The following FGF10 variants were observed in gnomAD, a reference collection of about 807,000 sequenced individuals.
FGF10 encodes FGF-10.
FGF10 carries 2 observed loss-of-function variants against 19.8 expected under a neutral mutation model. The observed-to-expected ratio is 0.10, with a 90% CI of 0.04 to 0.32. FGF10 has a LOEUF of 0.32. FGF10 is among the 10% of genes least tolerant of loss of function. The probability of loss-of-function intolerance (pLI) is 1.00; values close to 1 mark genes in which losing one functional copy is unlikely to be tolerated. For synonymous variants in FGF10, 112 were observed against 94.0 expected (o/e 1.19, Z -1.10); for missense variants, 191 against 246.3 (o/e 0.78, Z 1.50).
At chr5:44,342,743 T>C (rs544915450) in intron 1 of FGF10, among the ~76,000 whole-genome samples, 1 of 152,068 alleles carries the variant, frequency 6.6e-6, no homozygotes, top group African/African-American at 2.4e-5. Flanking sequence ...AGTTGGAGAA[T>C]GTTGCCGTCT....
intron 1 of FGF10, among the ~76,000 whole-genome samples, chr5:44,341,355 C>T (rs1579917869): frequency 6.6e-6 from 1 of 151,496 alleles, no homozygotes; most frequent in Non-Finnish European, 1.5e-5. Flanking sequence ...AAAACTACAC[C>T]ACTCCGTTAT....
At chr5:44,311,172 T>G (rs1740200907) in intron 1 of FGF10, among the ~76,000 whole-genome samples, 1 of 151,926 alleles carries the variant, frequency 6.6e-6, no homozygotes, top group African/African-American at 2.4e-5. Flanking sequence ...CATGGATTTT[T>G]AAGGTTTTTT....
intron 1 of FGF10, among the ~76,000 whole-genome samples, chr5:44,350,594 G>C (rs1280264526): frequency 6.6e-6 from 1 of 150,594 alleles, no homozygotes; most frequent in African/African-American, 2.4e-5. Context: ...CAACACATAG[G>C]TGTGTGTATA....
Position 44,339,580 on chromosome 5 carries a change from A to G in FGF10, c.326-29050T>C, listed in dbSNP as rs576648205. ...AATGATAACCTTCTATCAACACTCTATTTGTGAAACAGTAACCTATGAGGC... is the reference window on the plus strand; with the variant it reads ...AATGATAACCTTCTATCAACACTCTGTTTGTGAAACAGTAACCTATGAGGC... On this transcript the variant is annotated intron_variant, in intron 1 of 2. Coordinates refer to ENST00000264664, the MANE Select transcript of FGF10 (RefSeq NM_004465.2). Among the ~76,000 whole-genome samples, 8 of 152,292 alleles carry G rather than the reference A, an allele frequency of 5.3e-5. No homozygotes were observed. The South Asian group carries it at 1.7e-3, about 32-fold the overall frequency.
chr5:44,375,047 A>T (rs878883322), intron 1 of FGF10, among the ~76,000 whole-genome samples: 1 of 152,212 alleles, frequency 6.6e-6, no homozygotes, highest in Admixed American at 6.5e-5. Flanking sequence ...GGTAGGTAGC[A>T]TATTAATCAC....
chr5:44,365,348 T>TGC (rs2111867318), intron 1 of FGF10, among the ~76,000 whole-genome samples: 1 of 60,036 alleles, frequency 1.7e-5, no homozygotes, highest in African/African-American at 5.1e-5. Context: ...TCAAATAATT[T>TGC]GCAAAAAAAA....
chr5:44,337,896 T>C (rs1326084315), intron 1 of FGF10, among the ~76,000 whole-genome samples: 1 of 152,070 alleles, frequency 6.6e-6, no homozygotes, highest in East Asian at 1.9e-4. Context: ...AGTTGAATTG[T>C]GCCACTGCAC....
At chr5:44,349,743 G>T (rs1239291144) in intron 1 of FGF10, among the ~76,000 whole-genome samples, 4 of 150,500 alleles carry the variant, frequency 2.7e-5, no homozygotes, top group African/African-American at 4.9e-5. Context: ...AATACTCTTA[G>T]ACCTAAACAG....
intron 1 of FGF10, among the ~76,000 whole-genome samples, chr5:44,387,821 A>C (rs1742137591): frequency 6.6e-6 from 1 of 152,144 alleles, no homozygotes; most frequent in Non-Finnish European, 1.5e-5. Flanking sequence ...GGGTAAAGGG[A>C]TGGGGGTGGG....
rs188761912 is a variant in FGF10, at chr5:44,334,223, T to A, written c.326-23693A>T. 1.4e-4 allele frequency among the ~76,000 whole-genome samples: 22 copies of A among 152,264 alleles called. No homozygotes were observed. The East Asian group carries it at 4.2e-3, about 29-fold the overall frequency. The stretch of plus-strand genomic sequence containing the variant: ...ATGAGGATATAGTGCCCTATCCTTA[T>A]GTCCACAACCTTAGGCCTTGTATCC... On this transcript the variant is annotated intron_variant, in intron 1 of 2. Coordinates refer to ENST00000264664, the MANE Select transcript of FGF10 (RefSeq NM_004465.2).
intron 1 of FGF10, among the ~76,000 whole-genome samples, chr5:44,360,222 C>A (rs1741449091): frequency 6.6e-6 from 1 of 151,590 alleles, no homozygotes; most frequent in Non-Finnish European, 1.5e-5. Context: ...TTAATCACAT[C>A]AGAAGAATCT....
chr5:44,324,735 C>A (rs1242080240), intron 1 of FGF10, among the ~76,000 whole-genome samples: 2 of 152,082 alleles, frequency 1.3e-5, no homozygotes, highest in Non-Finnish European at 2.9e-5. Context: ...CTGGAAAAGA[C>A]TGGACAAATT....
intron 1 of FGF10, among the ~76,000 whole-genome samples, chr5:44,368,171 G>A (rs1050698466): frequency 2.0e-5 from 3 of 152,032 alleles, no homozygotes; most frequent in African/African-American, 7.2e-5. Context: ...AAGGACATGA[G>A]AGGGTAGGAT....
chr5:44,371,316 G>A (rs998265869), intron 1 of FGF10, among the ~76,000 whole-genome samples: 12 of 152,062 alleles, frequency 7.9e-5, no homozygotes, highest in Non-Finnish European at 1.3e-4. Context: ...ACCCTCAACA[G>A]ATGCGGCTCC....
At chr5:44,314,983 C>T (rs1408439288) in intron 1 of FGF10, among the ~76,000 whole-genome samples, 1 of 151,946 alleles carries the variant, frequency 6.6e-6, no homozygotes, top group Non-Finnish European at 1.5e-5. Flanking sequence ...TCTATCCACT[C>T]CTAGATAAAT....
chr5:44,366,850 A>G (rs1194339682), intron 1 of FGF10, among the ~76,000 whole-genome samples: 2 of 152,074 alleles, frequency 1.3e-5, no homozygotes, highest in Admixed American at 1.3e-4. Flanking sequence ...TAATATGAAT[A>G]CTTTCTTTAA....
rs17234646 is a variant in FGF10, at chr5:44,304,618, G to A, written c.*377C>T. The A allele has an allele frequency of 0.092, 24,146 of 261,466 alleles. 3,251 individuals carry two copies. The highest frequency in any genetic ancestry group is 0.35 in the African/African-American group (15,413 of 44,492). The allele number at this position is 261,466 out of a possible 1,614,324, so 16.2% of individuals were successfully genotyped here. A position where few individuals can be genotyped will look rare whatever the true frequency, so the allele number is the denominator to read the frequency against. ...GCAATGAAGTCTTTGATATGAGTTC[G>A]TATTCCATAAATAACTTTCCCGAAG... On this transcript the variant is annotated 3_prime_UTR_variant, in exon 3 of 3. Coordinates refer to ENST00000264664, the MANE Select transcript of FGF10 (RefSeq NM_004465.2).
At chr5:44,312,967 A>C (rs1740247584) in intron 1 of FGF10, among the ~76,000 whole-genome samples, 1 of 152,076 alleles carries the variant, frequency 6.6e-6, no homozygotes, top group South Asian at 2.1e-4. Flanking sequence ...GATTATATTT[A>C]GCTTAGATAC....
chr5:44,313,748 A>G (rs1165891307), intron 1 of FGF10, among the ~76,000 whole-genome samples: 4 of 152,088 alleles, frequency 2.6e-5, no homozygotes, highest in African/African-American at 9.7e-5. Context: ...TAACTATATT[A>G]GTTTTTATGT....
Sources: gnomAD v4.1 joint callset for allele counts (sites outside exome capture counted in the v4.1 genomes callset) on GRCh38, gnomAD v4.1.1 for gene constraint, MANE v1.5 for transcripts, NCBI Gene and HGNC (gene_info 2026-07-23, HGNC 2026-07-21) for gene names.